UBA2: variants seen among roughly 807,000 people sequenced by gnomAD.
The protein encoded by UBA2 is ubiquitin like modifier activating enzyme 2, also known as SUMO-activating enzyme subunit 2.
UBA2 carries 11 observed loss-of-function variants against 77.2 expected under a neutral mutation model. That is an observed-to-expected ratio of 0.14 (90% CI 0.09 to 0.24). The LOEUF (loss-of-function observed/expected upper bound fraction) is 0.24, where lower values mean the gene tolerates loss of function less well. Among genes scored for constraint, UBA2 ranks in the 10% least tolerant of loss-of-function variants. The pLI is 1.00. For synonymous variants in UBA2, 278 were observed against 276.7 expected (o/e 1.00, Z -0.05); for missense variants, 487 against 781.7 (o/e 0.62, Z 4.50).
chr19:34,455,959 A>G (rs1018808897), intron 12 of UBA2, among the ~76,000 whole-genome samples: 1 of 150,168 alleles, frequency 6.7e-6, no homozygotes, highest in Non-Finnish European at 1.5e-5. Context: ...TTTTTTTTTA[A>G]ACTGATGGGG....
At chr19:34,451,633 C>T (rs1047838985) in intron 9 of UBA2, among the ~76,000 whole-genome samples, 45 of 148,514 alleles carry the variant, frequency 3.0e-4, no homozygotes, top group Non-Finnish European at 3.6e-4. Context: ...CTGCAAGCTC[C>T]GCCTCCCGGG....
chr19:34,444,044 GTTTTTTTTTTTTT>G, intron 7 of UBA2, 133 bp downstream of exon 7: 1 of 169,686 alleles, frequency 5.9e-6, no homozygotes, highest in Non-Finnish European at 1.0e-5. Flanking sequence ...TTTTTTTTTT[GTTTTTTTTTTTTT>G]TTTTTTTTTT....
chr19:34,467,357 C>T (rs1301258420), intron 16 of UBA2, among the ~76,000 whole-genome samples: 1 of 151,556 alleles, frequency 6.6e-6, no homozygotes, highest in Non-Finnish European at 1.5e-5. Context: ...CTGTAGTCTC[C>T]GCTACTCAGG....
At chr19:34,467,135 T>G in intron 16 of UBA2, 121 bp downstream of exon 16, 3 of 1,221,668 alleles carry the variant, frequency 2.5e-6, no homozygotes, top group Non-Finnish European at 3.4e-6. Context: ...ATTGGTTTGG[T>G]ATTGATTGTT....
At chr19:34,439,206 CAA>C (rs34519506) in intron 6 of UBA2, among the ~76,000 whole-genome samples, 127 of 87,050 alleles carry the variant, frequency 1.5e-3, no homozygotes, top group Middle Eastern at 5.6e-3. Flanking sequence ...GAATTTGTCT[CAA>C]AAAAAAAAAA....
intron 12 of UBA2, among the ~76,000 whole-genome samples, chr19:34,458,326 C>T (rs1402119442): frequency 2.0e-5 from 3 of 151,916 alleles, no homozygotes; most frequent in South Asian, 2.1e-4. Flanking sequence ...GAGGCCGAGG[C>T]GGGCGGATCA....
intron 15 of UBA2, 151 bp downstream of exon 15, chr19:34,464,282 A>G (rs1443379736): frequency 3.5e-6 from 2 of 577,420 alleles, no homozygotes. Context: ...GAGTTCCGTG[A>G]TGTTTGACCT....
At chr19:34,459,763 T>C (rs993234060) in intron 13 of UBA2, among the ~76,000 whole-genome samples, 1 of 152,222 alleles carries the variant, frequency 6.6e-6, no homozygotes, top group African/African-American at 2.4e-5. Context: ...GAGGAGGAAG[T>C]GGCCCTTCTC....
rs201588428 is a variant in UBA2, at chr19:34,430,672, C to T, written c.222+13C>T. 32 of 1,596,760 alleles carry T rather than the reference C, an allele frequency of 2.0e-5. No homozygotes were observed. In the East Asian group the frequency reaches 6.3e-4, roughly 31 times the overall value. ...ATCAAAGGCACAGGTAACTATATTT[C>T]TCATACCATTTCTATAACTTGATGG... On this transcript the variant is annotated intron_variant, in intron 2 of 16. Coordinates refer to ENST00000246548, the MANE Select transcript of UBA2 (RefSeq NM_005499.3).
intron 14 of UBA2, among the ~76,000 whole-genome samples, chr19:34,461,705 G>A (rs2075632952): frequency 6.6e-6 from 1 of 152,212 alleles, no homozygotes; most frequent in South Asian, 2.1e-4. Flanking sequence ...CATAGTTTTG[G>A]GTATTCATAA....
At chr19:34,431,471 A>G (rs148939912) in intron 2 of UBA2, among the ~76,000 whole-genome samples, 164 of 151,188 alleles carry the variant, frequency 1.1e-3, no homozygotes, top group Middle Eastern at 0.01. Context: ...CTTAATCTGG[A>G]TTGTTATTTG....
chr19:34,458,739 C>G (rs759449268), intron 12 of UBA2, 30 bp from the exon 13 acceptor site: 2 of 1,592,446 alleles, frequency 1.3e-6, no homozygotes, highest in East Asian at 4.5e-5. Context: ...AGCACGTTTC[C>G]GATTTCTGCC....
chr19:34,446,826 C>T (rs1335048775), intron 8 of UBA2, among the ~76,000 whole-genome samples: 4 of 151,964 alleles, frequency 2.6e-5, no homozygotes, highest in Non-Finnish European at 4.4e-5. Flanking sequence ...AGGCTGGTCT[C>T]GAACTCCTAC....
At chr19:34,465,552 G>A (rs138710321) in intron 15 of UBA2, among the ~76,000 whole-genome samples, 2,207 of 149,376 alleles carry the variant, frequency 0.015, 23 homozygotes, top group South Asian at 0.025. Context: ...CGGGAGAATT[G>A]TTTGAACCGG....
chr19:34,468,589 T>C (rs1030953204), intron 16 of UBA2, among the ~76,000 whole-genome samples: 3 of 152,190 alleles, frequency 2.0e-5, no homozygotes, highest in African/African-American at 4.8e-5. Flanking sequence ...ATTCACTGAG[T>C]TTCCTTTCCT....
Position 34,469,102 on chromosome 19 carries a change from G to A in UBA2, c.1804G>A (p.Asp602Asn), listed in dbSNP as rs781359800. 1.9e-5 allele frequency: 30 copies of A among 1,613,106 alleles called. No homozygotes were observed. Among genetic ancestry groups the A allele is most frequent in the South Asian group, 7.7e-5 (7 of 90,896 alleles). ...TGAAGAAGATTCTTCAAATAATGCC[G>A]ACGTCAGTGAAGAAGAGAGAAGCCG... ...SDEEDSSNNA[D>N]VSEEERSRKR... Residue 602 changes from aspartate to asparagine, a missense_variant, in exon 17 of 17, where the codon GAC becomes AAC. Physicochemically the swap from Asp to Asn is conservative, Grantham distance 23. This residue lies in a region of UBA2 where 40 missense variants were observed against 36.6 expected (regional missense o/e 1.09). Transcript: ENST00000246548.
chr19:34,432,430 G>A (rs2075265850), intron 3 of UBA2, among the ~76,000 whole-genome samples: 1 of 152,184 alleles, frequency 6.6e-6, no homozygotes, highest in Non-Finnish European at 1.5e-5. Flanking sequence ...CAAAGGAACT[G>A]TGGGCCGAAA....
intron 9 of UBA2, among the ~76,000 whole-genome samples, chr19:34,451,422 A>G (rs1320480968): frequency 1.3e-5 from 2 of 151,046 alleles, no homozygotes; most frequent in East Asian, 3.9e-4. Context: ...CATTCTCACT[A>G]GGTGCTGGGC....
intron 8 of UBA2, among the ~76,000 whole-genome samples, chr19:34,449,023 C>T (rs1342365465): frequency 1.3e-5 from 2 of 149,830 alleles, no homozygotes; most frequent in Non-Finnish European, 3.0e-5. Context: ...ATGTTGCTGT[C>T]ATAAGGAGAC....
Sources: allele counts gnomAD v4.1 joint callset (sites outside exome capture counted in the v4.1 genomes callset), GRCh38; gene constraint gnomAD v4.1.1; regional missense constraint gnomAD v4.1.1; transcripts MANE v1.5; gene names NCBI Gene and HGNC (gene_info 2026-07-23, HGNC 2026-07-21).